BRIX1: variants seen among roughly 807,000 people sequenced by gnomAD.
BRIX1 encodes the protein biogenesis of ribosomes BRX1.
Under a neutral mutation model 44.0 loss-of-function variants are expected in BRIX1, and 15 were observed. The ratio of observed to expected loss-of-function variants is 0.34; its 90% CI spans 0.23 to 0.53. The LOEUF is 0.53. Among genes scored for constraint, BRIX1 ranks in the 20% least tolerant of loss-of-function variants. BRIX1 has a pLI of 0.95. For missense variants in BRIX1, 420 were observed against 432.8 expected (o/e 0.97, Z 0.26); for synonymous variants, 149 against 135.4 (o/e 1.10, Z -0.70).
intron 8 of BRIX1, among the ~76,000 whole-genome samples, chr5:34,924,067 T>C (rs1764297973): frequency 6.6e-6 from 1 of 152,178 alleles, no homozygotes; most frequent in South Asian, 2.1e-4. Flanking sequence ...GGTTAAGACC[T>C]AGCAAAATGT....
At position 34,915,892 on chromosome 5, in the gene BRIX1, T is replaced by G; in HGVS notation, c.154T>G (p.Cys52Gly). The change falls in exon 1 of 10, where the codon TGC becomes GGC. Residue 52 changes from cysteine to glycine, a missense_variant. Cys to Gly is a radical substitution (Grantham distance 159, BLOSUM62 -3). Transcript: ENST00000336767. ...EERDRIPGPV[C>G]KGKWKNKERI... is the part of the protein sequence containing the mutation. ...GAGGGACCGGATCCCAGGCCCCGTT[T>G]GCAAGGTAGGAGGGGATGTCCCCGG... The G allele has an allele frequency of 6.4e-7, 1 of 1,553,538 alleles. No homozygotes were observed. Among genetic ancestry groups the G allele is most frequent in the South Asian group, 1.2e-5 (1 of 84,136 alleles).
chr5:34,924,867 T>C lies in BRIX1; in HGVS notation c.684T>C (p.Ala228=). 1 of 1,606,408 alleles carries C rather than the reference T, an allele frequency of 6.2e-7. No individual in the cohort carries two copies. Among genetic ancestry groups the C allele is most frequent in the Non-Finnish European group, 8.5e-7 (1 of 1,173,182 alleles). Residue 228 remains alanine (A), a synonymous_variant, in exon 9 of 10, where the codon GCT becomes GCC. Coordinates refer to ENST00000336767, the MANE Select transcript of BRIX1 (RefSeq NM_018321.4). ...TAAAGATCATAGAAGAAGATGCTGC[T>C]CTTGTAGAAATAGGACCTCGTTTTG... ...RNFQIIEEDA[A]LVEIGPRFVL... is the part of the protein sequence containing the mutation.
At position 34,915,842 on chromosome 5, in the gene BRIX1, C is replaced by T. The variant is rs1220111898; in HGVS notation, c.104C>T (p.Thr35Ile). 2 of 1,569,342 alleles carry T rather than the reference C, an allele frequency of 1.3e-6. No individual in the cohort carries two copies. The highest frequency in any genetic ancestry group is 1.7e-6 in the Non-Finnish European group (2 of 1,156,980). ...GAGCCGCCAGCTAAGCGGCACGCCA[C>T]AGCAGAGGAGGTGGAGGAAGAAGAG... is the stretch of plus-strand genomic sequence containing the variant. ...DAEPPAKRHA[T>I]AEEVEEEERD... The change falls in exon 1 of 10, where the codon ACA becomes ATA. Residue 35 changes from threonine to isoleucine, a missense_variant. Coordinates refer to ENST00000336767, the MANE Select transcript of BRIX1 (RefSeq NM_018321.4).
At chr5:34,923,432 C>G in intron 8 of BRIX1, 198 bp downstream of exon 8, 1 of 573,392 alleles carries the variant, frequency 1.7e-6, no homozygotes, top group South Asian at 2.2e-5. Flanking sequence ...CACCCATCAT[C>G]ACGCCTGGCT....
intron 1 of BRIX1, 57 bp downstream of exon 1, chr5:34,915,954 T>G (rs2069464): frequency 0.071 from 104,722 of 1,479,610 alleles, 4,213 homozygotes; most frequent in South Asian, 0.12. Context: ...CGCCTTTTCT[T>G]GGGTTACTTA....
chr5:34,922,895 A>G (rs570758385), intron 6 of BRIX1, 106 bp from the exon 7 acceptor site: 1 of 1,213,418 alleles, frequency 8.2e-7, no homozygotes, highest in African/African-American at 1.5e-5. Flanking sequence ...CAATTCTTTC[A>G]GGTACATTTA....
At chr5:34,916,188 T>G (rs551634518) in intron 1 of BRIX1, 27 of 271,394 alleles carry the variant, frequency 9.9e-5, no homozygotes, top group Admixed American at 4.1e-4. Flanking sequence ...TTCAGTTGTT[T>G]TTTTTTTTTA....
intron 1 of BRIX1, chr5:34,916,159 C>T (rs1764080445): frequency 2.9e-6 from 1 of 340,448 alleles, no homozygotes; most frequent in Non-Finnish European, 5.3e-6. Flanking sequence ...TCAGATCCAG[C>T]GTTCTTTCTT....
Position 34,923,029 on chromosome 5 carries a change from T to C in BRIX1, c.539T>C (p.Leu180Ser). ...PAFDELPHYA[L>S]LKELLIQIFS... is the part of the protein sequence containing the mutation. ...TTTGATGAATTACCACATTATGCTT[T>C]GTTAAAAGAACTCTTAATTCAGGTA... The change falls in exon 7 of 10, where the codon TTG becomes TCG. Residue 180 changes from leucine (L) to serine (S), a missense_variant. By Grantham distance (145) the Leu-to-Ser change is moderately radical. Coordinates refer to ENST00000336767, the MANE Select transcript of BRIX1 (RefSeq NM_018321.4). 1.3e-6 allele frequency: 2 copies of C among 1,547,006 alleles called. No homozygotes were observed. Among genetic ancestry groups the C allele is most frequent in the Non-Finnish European group, 1.8e-6 (2 of 1,119,906 alleles).
At chr5:34,923,825 G>A (rs188872071) in intron 8 of BRIX1, among the ~76,000 whole-genome samples, 2 of 152,264 alleles carry the variant, frequency 1.3e-5, no homozygotes, top group Admixed American at 6.5e-5. Context: ...AAGTAACTAT[G>A]TACTGTCTTA....
At chr5:34,916,128 G>A (rs1001629751) in intron 1 of BRIX1, 1 of 431,620 alleles carries the variant, frequency 2.3e-6, no homozygotes, top group Admixed American at 4.1e-5. Flanking sequence ...CCGGCCCACG[G>A]GGAAGCGACT....
intron 2 of BRIX1, 191 bp downstream of exon 2, chr5:34,918,666 A>G: frequency 2.1e-6 from 1 of 472,054 alleles, no homozygotes; most frequent in Non-Finnish European, 3.8e-6. Context: ...CATTAGGTAG[A>G]TTCTTTACTT....
At position 34,918,287 on chromosome 5, in the gene BRIX1, A is replaced by T. The variant is rs1332241820; in HGVS notation, c.160-77A>T. ...CCGTGAGCACTTCAGCCTGGGCAAC[A>T]GTGTGAGACCCTGTCACAAAACAAG... On this transcript the variant is annotated intron_variant, in intron 1 of 9. Transcript: ENST00000336767. 2.5e-5 allele frequency: 18 copies of T among 725,064 alleles called. No homozygotes were observed. The East Asian group carries it at 5.1e-4, about 21-fold the overall frequency. The allele number at this position is 725,064 out of a possible 1,614,324, so 44.9% of individuals were successfully genotyped here.
intron 1 of BRIX1, chr5:34,916,712 A>G (rs971889439): frequency 6.6e-6 from 1 of 152,166 alleles, no homozygotes; most frequent in Non-Finnish European, 1.5e-5. Context: ...TTAGCATAGT[A>G]CTCTAGCGCG....
intron 8 of BRIX1, among the ~76,000 whole-genome samples, 199 bp from the exon 9 acceptor site, chr5:34,924,646 AAC>A (rs1343134893): frequency 1.3e-5 from 2 of 152,206 alleles, no homozygotes; most frequent in African/African-American, 4.8e-5. Flanking sequence ...TCACTGAAAA[AAC>A]ATTTTTCCAT....
chr5:34,917,197 T>C (rs1231246791), intron 1 of BRIX1, among the ~76,000 whole-genome samples: 2 of 152,064 alleles, frequency 1.3e-5, no homozygotes, highest in Non-Finnish European at 2.9e-5. Flanking sequence ...ATGTAAAAAA[T>C]AGAGCCAGAT....
intron 5 of BRIX1, 47 bp from the exon 6 acceptor site, chr5:34,922,648 T>G (rs369794791): frequency 1.3e-5 from 21 of 1,594,836 alleles, no homozygotes; most frequent in Non-Finnish European, 1.5e-5. Context: ...TTTGAAATAG[T>G]TGTGCAAAAG....
intron 3 of BRIX1, 87 bp from the exon 4 acceptor site, chr5:34,922,130 A>G (rs1764252505): frequency 5.7e-6 from 4 of 700,912 alleles, no homozygotes; most frequent in Non-Finnish European, 9.4e-6. Flanking sequence ...TATTTTTGAG[A>G]TAATCTGGAT....
chr5:34,922,429 A>G (rs1219612444), intron 4 of BRIX1, 110 bp from the exon 5 acceptor site: 13 of 905,834 alleles, frequency 1.4e-5, no homozygotes, highest in Non-Finnish European at 2.0e-5. Flanking sequence ...TGATACCTTT[A>G]AAGAAAATTA....
Sources: allele counts gnomAD v4.1 joint callset (sites outside exome capture counted in the v4.1 genomes callset), GRCh38; gene constraint gnomAD v4.1.1; transcripts MANE v1.5; gene names NCBI Gene and HGNC (gene_info 2026-07-23, HGNC 2026-07-21).